The following HS3ST3A1 variants were observed in gnomAD, a reference collection of about 807,000 sequenced individuals.
HS3ST3A1 encodes the protein heparan sulfate glucosamine 3-O-sulfotransferase 3A1.
Under a neutral mutation model 25.7 loss-of-function variants are expected in HS3ST3A1, and 19 were observed. The observed-to-expected ratio is 0.74, with a 90% CI of 0.52 to 1.08. The LOEUF (loss-of-function observed/expected upper bound fraction) is 1.08, where lower values mean the gene tolerates loss of function less well. Ranked by LOEUF, HS3ST3A1 falls within the 50% of genes least tolerant of loss-of-function variation. The pLI is 0.00. For missense variants in HS3ST3A1, 459 were observed against 594.3 expected, an observed-to-expected ratio of 0.77 and a Z score of 2.37; for synonymous variants, 226 against 278.6, an observed-to-expected ratio of 0.81 and a Z score of 1.88.
intron 1 of HS3ST3A1, among the ~76,000 whole-genome samples, chr17:13,574,614 A>G (rs933130884): frequency 2.6e-5 from 4 of 151,924 alleles, no homozygotes; most frequent in Non-Finnish European, 4.4e-5. Flanking sequence ...GCTACTCAGG[A>G]GGCTGAGGCA....
At chr17:13,518,857 C>G (rs1227858934) in intron 1 of HS3ST3A1, among the ~76,000 whole-genome samples, 1 of 152,224 alleles carries the variant, frequency 6.6e-6, no homozygotes, top group South Asian at 2.1e-4. Flanking sequence ...TGACCACAGA[C>G]ACATAAGCAA....
intron 1 of HS3ST3A1, among the ~76,000 whole-genome samples, chr17:13,503,483 T>C (rs1406200967): frequency 6.6e-6 from 1 of 152,172 alleles, no homozygotes; most frequent in East Asian, 1.9e-4. Flanking sequence ...ATGGATATGC[T>C]AACTACCCTG....
chr17:13,507,083 A>AAAC (rs1905707877), intron 1 of HS3ST3A1, among the ~76,000 whole-genome samples: 1 of 144,578 alleles, frequency 6.9e-6, no homozygotes, highest in African/African-American at 2.7e-5. Flanking sequence ...AAAAAAAAAA[A>AAAC]AAACAAAAAA....
chr17:13,570,251 T>C (rs1197376995), intron 1 of HS3ST3A1, among the ~76,000 whole-genome samples: 1 of 152,222 alleles, frequency 6.6e-6, no homozygotes, highest in Non-Finnish European at 1.5e-5. Context: ...ACCTTCTCCA[T>C]GCTATTTCAA....
chr17:13,587,231 G>A (rs997250092), intron 1 of HS3ST3A1, among the ~76,000 whole-genome samples: 10 of 151,906 alleles, frequency 6.6e-5, no homozygotes, highest in East Asian at 5.8e-4. Context: ...TGAGGTGGGC[G>A]GATCACGAGG....
chr17:13,537,830 C>G (rs2142340128), intron 1 of HS3ST3A1, among the ~76,000 whole-genome samples: 1 of 152,334 alleles, frequency 6.6e-6, no homozygotes, highest in South Asian at 2.1e-4. Flanking sequence ...CATTTTCCTA[C>G]AGTTCACAGG....
At chr17:13,546,506 T>A (rs1907090947) in intron 1 of HS3ST3A1, among the ~76,000 whole-genome samples, 1 of 152,198 alleles carries the variant, frequency 6.6e-6, no homozygotes, top group Non-Finnish European at 1.5e-5. Context: ...GACCTCGTGA[T>A]CTACCCGCCT....
At chr17:13,519,237 T>C (rs1906147673) in intron 1 of HS3ST3A1, among the ~76,000 whole-genome samples, 1 of 152,228 alleles carries the variant, frequency 6.6e-6, no homozygotes, top group African/African-American at 2.4e-5. Flanking sequence ...TTGATCCTGG[T>C]AGCTGCCTAG....
At chr17:13,510,957 T>C (rs1055524853) in intron 1 of HS3ST3A1, among the ~76,000 whole-genome samples, 2 of 152,224 alleles carry the variant, frequency 1.3e-5, no homozygotes, top group Non-Finnish European at 2.9e-5. Context: ...ACTCTTATGA[T>C]ATAAAACCTC....
chr17:13,524,975 T>C (rs1489594048), intron 1 of HS3ST3A1, among the ~76,000 whole-genome samples: 1 of 152,194 alleles, frequency 6.6e-6, no homozygotes, highest in African/African-American at 2.4e-5. Flanking sequence ...ATATTTTTGT[T>C]TTATTTAACA....
At chr17:13,510,918 C>T (rs371332378) in intron 1 of HS3ST3A1, among the ~76,000 whole-genome samples, 1 of 152,140 alleles carries the variant, frequency 6.6e-6, no homozygotes. Flanking sequence ...CAGATCAAAA[C>T]AAACTTCCAA....
At chr17:13,580,763 T>A (rs575118002) in intron 1 of HS3ST3A1, among the ~76,000 whole-genome samples, 1 of 152,200 alleles carries the variant, frequency 6.6e-6, no homozygotes, top group Admixed American at 6.5e-5. Flanking sequence ...TGGTGACACA[T>A]GCCTATAATC....
Position 13,601,315 on chromosome 17 carries a change from G to T in HS3ST3A1, c.-186C>A, listed in dbSNP as rs575423976. 3.9e-6 allele frequency: 2 copies of T among 512,276 alleles called. No homozygotes were observed. The highest frequency in any genetic ancestry group is 6.7e-6 in the Non-Finnish European group (2 of 297,932). 31.7% of individuals were successfully genotyped at this position (512,276 alleles called of 1,614,324 possible). A position where few individuals can be genotyped will look rare whatever the true frequency, so the allele number is the denominator to read the frequency against. On this transcript the variant is annotated 5_prime_UTR_variant, in exon 1 of 2. Coordinates refer to ENST00000284110, the MANE Select transcript of HS3ST3A1 (RefSeq NM_006042.3). ...TCCGCGGGGAAACGGAATCCCGGGG[G>T]CCCCGCGCAGGATCCCTGCCTCCAG...
At chr17:13,597,997 T>C (rs1178994038) in intron 1 of HS3ST3A1, among the ~76,000 whole-genome samples, 1 of 152,264 alleles carries the variant, frequency 6.6e-6, no homozygotes, top group East Asian at 1.9e-4. Context: ...GCTAGACCTT[T>C]TAGGATTCTC....
intron 1 of HS3ST3A1, among the ~76,000 whole-genome samples, chr17:13,574,332 A>G (rs1364573583): frequency 6.6e-6 from 1 of 151,030 alleles, no homozygotes; most frequent in African/African-American, 2.4e-5. Context: ...ACGGGTTTTC[A>G]CCGTGTTAGC....
intron 1 of HS3ST3A1, among the ~76,000 whole-genome samples, chr17:13,539,204 G>C (rs1906855823): frequency 6.6e-6 from 1 of 152,200 alleles, no homozygotes; most frequent in Admixed American, 6.5e-5. Flanking sequence ...GCTCTAAGTG[G>C]CTAAGCCTGG....
chr17:13,600,343 C>T (rs1908685215), intron 1 of HS3ST3A1, among the ~76,000 whole-genome samples, 188 bp downstream of exon 1: 2 of 152,092 alleles, frequency 1.3e-5, no homozygotes, highest in South Asian at 4.2e-4. Context: ...TTCCCTCCCA[C>T]TCTCTCCTTC....
At chr17:13,533,007 A>G (rs1906654602) in intron 1 of HS3ST3A1, among the ~76,000 whole-genome samples, 1 of 151,726 alleles carries the variant, frequency 6.6e-6, no homozygotes, top group Admixed American at 6.6e-5. Flanking sequence ...GAATAATCTC[A>G]TCCACTCTAG....
At chr17:13,535,777 A>G (rs1161944315) in intron 1 of HS3ST3A1, among the ~76,000 whole-genome samples, 2 of 152,198 alleles carry the variant, frequency 1.3e-5, no homozygotes, top group Non-Finnish European at 2.9e-5. Context: ...AAATATGTAT[A>G]AGTCAGAAAC....
Sources: allele counts gnomAD v4.1 joint callset (sites outside exome capture counted in the v4.1 genomes callset), GRCh38; gene constraint gnomAD v4.1.1; transcripts MANE v1.5; gene names NCBI Gene and HGNC (gene_info 2026-07-23, HGNC 2026-07-21).